Variants in DENND4A observed in about 807,000 individuals in gnomAD.
DENND4A encodes DENN domain containing 4A, also known as C-myc promoter-binding protein.
Under a neutral mutation model 199.3 loss-of-function variants are expected in DENND4A, and 70 were observed. That is an observed-to-expected ratio of 0.35 (90% CI 0.29 to 0.43). The LOEUF (loss-of-function observed/expected upper bound fraction) is 0.43, where lower values mean the gene tolerates loss of function less well. Ranked by LOEUF, DENND4A falls within the 20% of genes least tolerant of loss-of-function variation. The pLI, the probability that DENND4A is intolerant of heterozygous loss-of-function variation, is 1.00. For missense variants in DENND4A, 1,723 were observed against 2,255.8 expected (o/e 0.76, Z 4.78); for synonymous variants, 686 against 766.9 (o/e 0.89, Z 1.74).
chr15:65,671,725 C>A, intron 25 of DENND4A, 67 bp downstream of exon 25: 1 of 1,123,514 alleles, frequency 8.9e-7, no homozygotes, highest in South Asian at 1.2e-5. Flanking sequence ...CCTGGGACCA[C>A]TAATACTTAA....
intron 1 of DENND4A, among the ~76,000 whole-genome samples, chr15:65,768,431 A>C (rs2077040276): frequency 6.6e-6 from 1 of 152,182 alleles, no homozygotes; most frequent in Non-Finnish European, 1.5e-5. Flanking sequence ...CAAACACCTC[A>C]CAGGTCGAGA....
intron 1 of DENND4A, chr15:65,771,612 T>C (rs1366619482): frequency 6.2e-6 from 10 of 1,612,458 alleles, no homozygotes; most frequent in African/African-American, 1.3e-5. Flanking sequence ...TCATGTCCAC[T>C]ATGTCAATGC....
At chr15:65,763,262 A>G (rs1331482100) in intron 1 of DENND4A, among the ~76,000 whole-genome samples, 1 of 152,198 alleles carries the variant, frequency 6.6e-6, no homozygotes, top group Non-Finnish European at 1.5e-5. Context: ...CCAACATGGA[A>G]TATCTACTAA....
chr15:65,681,181 T>C (rs1415281152), intron 23 of DENND4A: 2 of 152,228 alleles, frequency 1.3e-5, no homozygotes, highest in African/African-American at 2.4e-5. Context: ...CCACTTCTAA[T>C]TCTAGGGGTT....
In DENND4A at chr15:65,715,691, TAG is replaced by T. The variant is rs77218158; in HGVS notation, c.1808-70_1808-69del. On this transcript the variant is annotated intron_variant, in intron 13 of 32. Transcript: ENST00000443035. ...TCATAGATTCACAGAATATTTGCAC[TAG>T]AAAGAATCTGAACAACCATGTCATC... 10,699 of 1,428,278 alleles carry T rather than the reference TAG, an allele frequency of 7.5e-3. 165 individuals are homozygous for T. In the East Asian group the frequency reaches 0.079, roughly 11 times the overall value. The allele number at this position is 1,428,278 out of a possible 1,614,324, so 88.5% of individuals were successfully genotyped here. A position where few individuals can be genotyped will look rare whatever the true frequency, so the allele number is the denominator to read the frequency against.
intron 11 of DENND4A, among the ~76,000 whole-genome samples, chr15:65,724,637 A>G (rs2075750556): frequency 6.6e-6 from 1 of 152,162 alleles, no homozygotes; most frequent in Non-Finnish European, 1.5e-5. Context: ...AACAAAAATG[A>G]CTGTCTTGGA....
At chr15:65,777,499 C>A (rs1342047706) in intron 1 of DENND4A, among the ~76,000 whole-genome samples, 1 of 151,846 alleles carries the variant, frequency 6.6e-6, no homozygotes, top group Non-Finnish European at 1.5e-5. Context: ...ATCACAAGCA[C>A]GCACCACCAC....
chr15:65,690,635 CT>C lies in DENND4A; in HGVS notation c.3958del (p.Arg1320GlyfsTer24). 1 of 1,613,682 alleles carries C rather than the reference CT, an allele frequency of 6.2e-7. No individual in the cohort carries two copies. ...GGCTGGAGAAGACCAAAGTCTATCC[CT>C]TGGTTTCTCCTCACTTTTTGTGTAA... ...KSYTKSEEKP[R>X]DRLWSSPAFS... On this transcript the variant is annotated frameshift_variant, in exon 23 of 33. Coordinates refer to ENST00000443035, the MANE Select transcript of DENND4A (RefSeq NM_001320835.1). LOFTEE classifies it high-confidence loss of function.
rs2075797580 is a variant in DENND4A, at chr15:65,659,722, T to C, written c.*2129A>G. The stretch of plus-strand genomic sequence containing the variant: ...GTGTTTTAGGTTTTAAGACTAAATC[T>C]GTGCAATAATATTCCCTAGGGATTA... On this transcript the variant is annotated 3_prime_UTR_variant, in exon 33 of 33. Coordinates refer to ENST00000443035, the MANE Select transcript of DENND4A (RefSeq NM_001320835.1). The C allele has an allele frequency of 6.5e-6, 1 of 152,714 alleles. No individual in the cohort carries two copies. 9.5% of individuals were successfully genotyped at this position (152,714 alleles called of 1,614,324 possible). A position where few individuals can be genotyped will look rare whatever the true frequency, so the allele number is the denominator to read the frequency against.
At chr15:65,721,107 C>T (rs1279350125) in intron 12 of DENND4A, among the ~76,000 whole-genome samples, 2 of 150,932 alleles carry the variant, frequency 1.3e-5, no homozygotes, top group East Asian at 3.9e-4. Flanking sequence ...GCCACCCTGC[C>T]CAGCCAATGT....
intron 1 of DENND4A, among the ~76,000 whole-genome samples, chr15:65,765,704 G>C (rs974850809): frequency 6.6e-6 from 1 of 152,058 alleles, no homozygotes; most frequent in African/African-American, 2.4e-5. Flanking sequence ...CCATTACAAG[G>C]ATCCCTAGTA....
intron 32 of DENND4A, among the ~76,000 whole-genome samples, chr15:65,663,817 C>CTT (rs78087333): frequency 7.0e-6 from 1 of 143,300 alleles, no homozygotes; most frequent in Admixed American, 7.0e-5. Context: ...ATCTGGCTAA[C>CTT]TTTTTTTTTT....
chr15:65,782,621 CACACACAT>C (rs1417571237), intron 1 of DENND4A, among the ~76,000 whole-genome samples: 7 of 152,106 alleles, frequency 4.6e-5, no homozygotes, highest in East Asian at 3.9e-4. Context: ...CAAAATAACA[CACACACAT>C]ACACACATAC....
In DENND4A at chr15:65,702,891, C is replaced by T; in HGVS notation, c.2205G>A (p.Met735Ile). 2 of 1,611,808 alleles carry T rather than the reference C, an allele frequency of 1.2e-6. No homozygotes were observed. The highest frequency in any genetic ancestry group is 1.7e-6 in the Non-Finnish European group (2 of 1,179,048). ...KSSSPNSPLP[M>I]FRRTKQEIKS... is the part of the protein sequence containing the mutation. ...AAAGTACCTGTTTTGTTCTTCTGAA[C>T]ATGGGCAAAGGGCTATTAGGACTAC... is the stretch of plus-strand genomic sequence containing the variant. Residue 735 changes from methionine (M) to isoleucine (I), a missense_variant, in exon 16 of 33, where the codon ATG becomes ATA. By Grantham distance (10) the Met-to-Ile change is conservative. This residue lies in a region of DENND4A where 725 missense variants were observed against 952.9 expected (regional missense o/e 0.76). Transcript: ENST00000443035.
intron 5 of DENND4A, among the ~76,000 whole-genome samples, chr15:65,740,357 C>T (rs2076225840): frequency 6.6e-6 from 1 of 151,164 alleles, no homozygotes; most frequent in African/African-American, 2.4e-5. Context: ...CGCCTGTAAT[C>T]TCAGCACTTT....
chr15:65,769,662 T>G (rs1434799185), intron 1 of DENND4A, among the ~76,000 whole-genome samples: 1 of 150,010 alleles, frequency 6.7e-6, no homozygotes, highest in Non-Finnish European at 1.5e-5. Flanking sequence ...GCTTATCTTT[T>G]GTTTATTTTA....
At chr15:65,733,292 A>T (rs2076015036) in intron 7 of DENND4A, among the ~76,000 whole-genome samples, 1 of 152,150 alleles carries the variant, frequency 6.6e-6, no homozygotes, top group African/African-American at 2.4e-5. Context: ...CTGATTTTGT[A>T]GGTTTTTTCC....
At chr15:65,738,906 C>T in intron 5 of DENND4A, 31 bp from the exon 6 acceptor site, 1 of 1,457,612 alleles carries the variant, frequency 6.9e-7, no homozygotes, top group Non-Finnish European at 9.2e-7. Flanking sequence ...ATTAGGTCAT[C>T]ATCTCTTGAA....
chr15:65,725,225 C>G (rs145742445), intron 11 of DENND4A, among the ~76,000 whole-genome samples: 1 of 152,254 alleles, frequency 6.6e-6, no homozygotes, highest in Non-Finnish European at 1.5e-5. Flanking sequence ...TTATGACATA[C>G]ACATATTATA....
Sources: gnomAD v4.1 joint callset for allele counts (sites outside exome capture counted in the v4.1 genomes callset) on GRCh38, gnomAD v4.1.1 for gene constraint, gnomAD v4.1.1 regional missense constraint, MANE v1.5 for transcripts, NCBI Gene and HGNC (gene_info 2026-07-23, HGNC 2026-07-21) for gene names.